The following SORCS3 variants were observed in gnomAD, a reference collection of about 807,000 sequenced individuals.
SORCS3 encodes the protein sortilin related VPS10 domain containing receptor 3.
In SORCS3, 57 loss-of-function variants were observed where a neutral mutation model predicts 146.3. The observed-to-expected ratio is 0.39, with a 90% confidence interval of 0.31 to 0.49. SORCS3 has a LOEUF of 0.49. Ranked by LOEUF, SORCS3 falls within the 20% of genes least tolerant of loss-of-function variation. SORCS3 has a pLI of 0.92. For missense variants in SORCS3, 1,341 were observed against 1,575.5 expected (o/e 0.85, Z 2.52); for synonymous variants, 653 against 618.5 (o/e 1.06, Z -0.83).
intron 4 of SORCS3, among the ~76,000 whole-genome samples, chr10:105,008,996 C>T (rs189802371): frequency 6.6e-6 from 1 of 152,264 alleles, no homozygotes; most frequent in Admixed American, 6.5e-5. Flanking sequence ...CCCCTTTAGC[C>T]TAAGGAGAAC....
At chr10:105,233,009 A>G (rs1025792287) in intron 20 of SORCS3, among the ~76,000 whole-genome samples, 4 of 152,086 alleles carry the variant, frequency 2.6e-5, no homozygotes, top group Admixed American at 6.6e-5. Flanking sequence ...TTGTCTGATA[A>G]AGTAATCTAT....
chr10:105,256,710 A>C lies in SORCS3; in HGVS notation c.3338-109A>C, dbSNP rs550062394. 3.2e-5 allele frequency: 25 copies of C among 771,518 alleles called. No homozygotes were observed. The Admixed American group carries it at 5.7e-4, about 18-fold the overall frequency. The allele number at this position is 771,518 out of a possible 1,614,324, so 47.8% of individuals were successfully genotyped here. A position where few individuals can be genotyped will look rare whatever the true frequency, so the allele number is the denominator to read the frequency against. On this transcript the variant is annotated intron_variant, in intron 24 of 26. Coordinates refer to ENST00000369701, the MANE Select transcript of SORCS3 (RefSeq NM_014978.3). ...ATCAGGCAGGGGAATTGGAGACTAG[A>C]CATAAGGATGGAGATCAGTGGCCTC...
intron 1 of SORCS3, among the ~76,000 whole-genome samples, chr10:104,757,123 G>C (rs982707118): frequency 1.7e-5 from 2 of 115,332 alleles, no homozygotes; most frequent in Non-Finnish European, 3.4e-5. Flanking sequence ...GTTTGTGCTT[G>C]CTCTGTCCAG....
chr10:104,865,344 C>A (rs1310035388), intron 2 of SORCS3, among the ~76,000 whole-genome samples: 3 of 152,130 alleles, frequency 2.0e-5, no homozygotes, highest in Non-Finnish European at 4.4e-5. Flanking sequence ...TCTTGGATGG[C>A]AAATCTTGAC....
chr10:105,076,477 A>T (rs904457520), intron 5 of SORCS3, among the ~76,000 whole-genome samples: 1 of 151,804 alleles, frequency 6.6e-6, no homozygotes, highest in African/African-American at 2.4e-5. Flanking sequence ...CAACTTGCAT[A>T]CTCTCCACTT....
At chr10:105,213,918 G>A (rs1338535834) in intron 17 of SORCS3, among the ~76,000 whole-genome samples, 1 of 152,144 alleles carries the variant, frequency 6.6e-6, no homozygotes, top group East Asian at 1.9e-4. Flanking sequence ...GGGCTATTAG[G>A]CATTAGGGGA....
intron 4 of SORCS3, among the ~76,000 whole-genome samples, chr10:105,031,276 G>A (rs1589601730): frequency 6.6e-6 from 1 of 151,448 alleles, no homozygotes; most frequent in African/African-American, 2.4e-5. Context: ...TCCCGTCTGG[G>A]CAACAAGGGT....
chr10:104,978,970 C>T (rs1261262634), intron 4 of SORCS3, among the ~76,000 whole-genome samples: 1 of 152,134 alleles, frequency 6.6e-6, no homozygotes, highest in Non-Finnish European at 1.5e-5. Context: ...TACCTCTGCC[C>T]CTTGCTCCCT....
At chr10:105,115,211 CAG>C (rs2055885011) in intron 7 of SORCS3, among the ~76,000 whole-genome samples, 1 of 152,152 alleles carries the variant, frequency 6.6e-6, no homozygotes, top group Admixed American at 6.5e-5. Flanking sequence ...CTTAAACTCT[CAG>C]AGTACTAATT....
At chr10:104,888,677 G>GAC (rs1299775937) in intron 2 of SORCS3, among the ~76,000 whole-genome samples, 1 of 152,110 alleles carries the variant, frequency 6.6e-6, no homozygotes, top group East Asian at 1.9e-4. Context: ...GGTATGACAG[G>GAC]ACACCAATCA....
chr10:104,912,236 C>G (rs974812563), intron 2 of SORCS3, among the ~76,000 whole-genome samples: 2 of 152,202 alleles, frequency 1.3e-5, no homozygotes, highest in African/African-American at 4.8e-5. Flanking sequence ...TCTACAGTCT[C>G]GACTTCTAGG....
intron 6 of SORCS3, among the ~76,000 whole-genome samples, chr10:105,100,295 G>A (rs923495822): frequency 3.1e-4 from 47 of 152,152 alleles, no homozygotes; most frequent in Admixed American, 3.1e-3. Context: ...TAAGCATGAA[G>A]ATTATTTAGG....
At chr10:104,814,078 T>C (rs1301462204) in intron 1 of SORCS3, among the ~76,000 whole-genome samples, 8 of 152,124 alleles carry the variant, frequency 5.3e-5, no homozygotes, top group Non-Finnish European at 1.0e-4. Flanking sequence ...CAGGCTCTTC[T>C]AGAATATCTC....
At chr10:104,987,300 G>A (rs1411908099) in intron 4 of SORCS3, among the ~76,000 whole-genome samples, 2 of 152,084 alleles carry the variant, frequency 1.3e-5, no homozygotes, top group African/African-American at 4.8e-5. Flanking sequence ...CCGTTAAGAT[G>A]ATGGAACTAT....
chr10:105,117,652 A>G (rs2055902796), intron 7 of SORCS3, among the ~76,000 whole-genome samples: 1 of 152,182 alleles, frequency 6.6e-6, no homozygotes, highest in Admixed American at 6.5e-5. Flanking sequence ...CCCCTCTGTA[A>G]GTCTCCCATG....
At chr10:104,726,035 G>A (rs2016627435) in intron 1 of SORCS3, among the ~76,000 whole-genome samples, 1 of 152,208 alleles carries the variant, frequency 6.6e-6, no homozygotes, top group Non-Finnish European at 1.5e-5. Flanking sequence ...ACCTCAGTTG[G>A]AAATGCAGAA....
intron 1 of SORCS3, among the ~76,000 whole-genome samples, chr10:104,820,960 T>C (rs2017865726): frequency 6.6e-6 from 1 of 152,102 alleles, no homozygotes; most frequent in Middle Eastern, 3.2e-3. Flanking sequence ...GGAACACAAA[T>C]GGGTTGAAAC....
chr10:104,851,714 G>T (rs986625002), intron 2 of SORCS3, among the ~76,000 whole-genome samples: 1 of 152,194 alleles, frequency 6.6e-6, no homozygotes, highest in African/African-American at 2.4e-5. Flanking sequence ...CTATTTTCAA[G>T]TTTATAGGAG....
chr10:105,097,333 A>T (rs1163772869), intron 6 of SORCS3, among the ~76,000 whole-genome samples: 1 of 152,218 alleles, frequency 6.6e-6, no homozygotes, highest in Non-Finnish European at 1.5e-5. Context: ...CTGTGCGAAT[A>T]ATCCTATTTC....
Sources: gnomAD v4.1 joint callset for allele counts (sites outside exome capture counted in the v4.1 genomes callset) on GRCh38, gnomAD v4.1.1 for gene constraint, MANE v1.5 for transcripts, NCBI Gene and HGNC (gene_info 2026-07-23, HGNC 2026-07-21) for gene names.